The following RPS6KA3 variants were observed in gnomAD, a reference collection of about 807,000 sequenced individuals.
RPS6KA3 encodes ribosomal protein S6 kinase alpha-3.
In RPS6KA3, 4 loss-of-function variants were observed where a neutral mutation model predicts 67.2. The ratio of observed to expected loss-of-function variants is 0.06; its 90% CI spans 0.03 to 0.14. The LOEUF (loss-of-function observed/expected upper bound fraction) is 0.14. Ranked by LOEUF, RPS6KA3 falls within the 10% of genes least tolerant of loss-of-function variation. The probability of loss-of-function intolerance (pLI) is 1.00; values close to 1 mark genes in which losing one functional copy is unlikely to be tolerated. For synonymous variants in RPS6KA3, 182 were observed against 183.7 expected (o/e 0.99, Z 0.07); for missense variants, 204 against 559.0 (o/e 0.36, Z 6.40).
chrX:20,232,663 AC>A (rs1363812597), intron 2 of RPS6KA3, among the ~76,000 whole-genome samples: 2 of 112,535 alleles, frequency 1.8e-5, no homozygotes, highest in African/African-American at 6.5e-5. Context: ...GTTTAAAAAA[AC>A]ATATTACAAG....
chrX:20,157,291 A>C (rs961080147), intron 20 of RPS6KA3, among the ~76,000 whole-genome samples: 2 of 111,541 alleles, frequency 1.8e-5, no homozygotes, highest in Non-Finnish European at 3.8e-5. Context: ...TTAGCAATGA[A>C]CAACACAGAA....
chrX:20,241,790 A>G lies in RPS6KA3; in HGVS notation c.70-6976T>C, dbSNP rs889558487. On this transcript the variant is annotated intron_variant, in intron 1 of 21. Coordinates refer to ENST00000379565, the MANE Select transcript of RPS6KA3 (RefSeq NM_004586.3). ...ACAATAAAATGCCAGAAGACATTGA[A>G]GTAATCACTTACAGAGAATTGAAAA... is the stretch of plus-strand genomic sequence containing the variant. The G allele has an allele frequency of 3.6e-5, 4 of 112,089 alleles. No homozygotes were observed. The Admixed American group carries it at 3.8e-4, about 11-fold the overall frequency. 9.2% of individuals were successfully genotyped at this position (112,089 alleles called of 1,213,427 possible). A position where few individuals can be genotyped will look rare whatever the true frequency, so the allele number is the denominator to read the frequency against.
intron 20 of RPS6KA3, among the ~76,000 whole-genome samples, chrX:20,158,365 CAAAAAA>C (rs1209085517): frequency 3.5e-5 from 1 of 28,733 alleles, no homozygotes; most frequent in South Asian, 2.6e-3. Context: ...GACTCTATCT[CAAAAAA>C]AAAAAAAAAA....
At chrX:20,215,082 G>A (rs1056001951) in intron 2 of RPS6KA3, among the ~76,000 whole-genome samples, 12 of 110,843 alleles carry the variant, frequency 1.1e-4, no homozygotes, top group Admixed American at 8.6e-4. Context: ...CTGGGATTAC[G>A]GGAATGAGCC....
At chrX:20,243,848 G>C (rs761818425) in intron 1 of RPS6KA3, among the ~76,000 whole-genome samples, 1 of 111,192 alleles carries the variant, frequency 9.0e-6, no homozygotes, top group Admixed American at 9.6e-5. Flanking sequence ...TCCATAGTAA[G>C]AGTGCAGAGG....
In RPS6KA3 at chrX:20,165,861, A is replaced by AG. The variant is rs751394389; in HGVS notation, c.1603-802_1603-801insC. 1.6e-3 allele frequency among the ~76,000 whole-genome samples: 180 copies of AG among 111,068 alleles called. 1 individual carries two copies. The highest frequency in any genetic ancestry group is 9.2e-3 in the Middle Eastern group (2 of 218). On this transcript the variant is annotated intron_variant, in intron 17 of 21. Coordinates refer to ENST00000379565, the MANE Select transcript of RPS6KA3 (RefSeq NM_004586.3). ...TACCTGAGTACAGTAGTCCCCCCTT[A>AG]TCCGTGGCGTATATGTTTCAAGACC...
chrX:20,193,172 G>C (rs979254668), intron 7 of RPS6KA3, among the ~76,000 whole-genome samples: 3 of 111,213 alleles, frequency 2.7e-5, no homozygotes, highest in African/African-American at 9.8e-5. Flanking sequence ...CAGCTACTCG[G>C]GAGGCTAAGG....
At position 20,161,697 on chromosome X, in the gene RPS6KA3, C is replaced by T. The variant is rs750660360; in HGVS notation, c.1906G>A (p.Gly636Arg). ...TAACCACCACTGAGTGAGAATTTTC[C>T]GCTACCTATTCGTGCCAATATTTCC... Reference protein sequence around the residue: ...PEEILARIGSGKFSLSGGYWN... With the variant: ...PEEILARIGSRKFSLSGGYWN... Residue 636 changes from glycine to arginine, a missense_variant, in exon 20 of 22, where the codon GGA becomes AGA. Physicochemically the swap from Gly to Arg is moderately radical, Grantham distance 125. Around this residue, in one of 4 missense-constraint regions of RPS6KA3, gnomAD observed 73 missense variants for 241.1 expected, o/e 0.30. Coordinates refer to ENST00000379565, the MANE Select transcript of RPS6KA3 (RefSeq NM_004586.3). 4 of 1,175,226 alleles carry T rather than the reference C, an allele frequency of 3.4e-6. No individual in the cohort carries two copies. The highest frequency in any genetic ancestry group is 4.6e-6 in the Non-Finnish European group (4 of 871,752).
chrX:20,167,560 T>C (rs761030657), intron 17 of RPS6KA3, 29 bp downstream of exon 17: 1 of 1,177,388 alleles, frequency 8.5e-7, no homozygotes, highest in Non-Finnish European at 1.2e-6. Flanking sequence ...AGTGTGTGTA[T>C]GTACATATAG....
At chrX:20,212,753 A>C (rs1314775157) in intron 2 of RPS6KA3, among the ~76,000 whole-genome samples, 1 of 110,884 alleles carries the variant, frequency 9.0e-6, no homozygotes, top group African/African-American at 3.3e-5. Flanking sequence ...GAAAAAAAAA[A>C]GTAGTGTCTC....
At chrX:20,265,515 A>G (rs1164697268) in intron 1 of RPS6KA3, 1 of 112,054 alleles carries the variant, frequency 8.9e-6, no homozygotes, top group East Asian at 2.8e-4. Context: ...ACTATTACAC[A>G]CACGCAGCCT....
At chrX:20,198,910 C>G (rs1021440769) in intron 4 of RPS6KA3, among the ~76,000 whole-genome samples, 2 of 111,022 alleles carry the variant, frequency 1.8e-5, no homozygotes, top group Non-Finnish European at 3.8e-5. Flanking sequence ...CTTGCCCCGT[C>G]GCCCAGGCTG....
chrX:20,214,902 G>A (rs1454963760), intron 2 of RPS6KA3, among the ~76,000 whole-genome samples: 1 of 100,876 alleles, frequency 9.9e-6, no homozygotes, highest in African/African-American at 3.7e-5. Context: ...GCAATGGTGC[G>A]ATCTCAGCTC....
At chrX:20,234,374 C>T (rs7057375) in intron 2 of RPS6KA3, among the ~76,000 whole-genome samples, 33,078 of 110,215 alleles carry the variant, frequency 0.3, 5,799 homozygotes, top group African/African-American at 0.66. Context: ...ACTCAGGAGG[C>T]TGAGGCAGGA....
intron 1 of RPS6KA3, among the ~76,000 whole-genome samples, chrX:20,257,265 T>A (rs755954244): frequency 1.8e-5 from 2 of 112,282 alleles, no homozygotes; most frequent in Non-Finnish European, 3.8e-5. Flanking sequence ...CCTTGGTTTG[T>A]AGGTAGGAAC....
rs756254244 is a variant in RPS6KA3, at chrX:20,235,065, G to A, written c.70-251C>T. Reference sequence around the variant, plus strand: ...TAATAAATGATTATTACCTTTCCACGTGAACCCTTGAGTTTAATAGTTAAA... The same window carrying A: ...TAATAAATGATTATTACCTTTCCACATGAACCCTTGAGTTTAATAGTTAAA... On this transcript the variant is annotated intron_variant, in intron 1 of 21. Transcript: ENST00000379565. 5.4e-5 allele frequency among the ~76,000 whole-genome samples: 6 copies of A among 111,328 alleles called. No homozygotes were observed. In the East Asian group the frequency reaches 8.4e-4, roughly 16 times the overall value.
In RPS6KA3 at chrX:20,156,381, T is replaced by C. The variant is rs1182845281; in HGVS notation, c.1960-132A>G. 23 of 691,597 alleles carry C rather than the reference T, an allele frequency of 3.3e-5. No homozygotes were observed. In the South Asian group the frequency reaches 3.6e-4, roughly 11 times the overall value. 57.0% of individuals were successfully genotyped at this position (691,597 alleles called of 1,213,427 possible). On this transcript the variant is annotated intron_variant, in intron 20 of 21. Transcript: ENST00000379565. ...TCTGGTAGCAGCCCTTTGGTCAACA[T>C]GGTAATTTGGGGGAAAAAAAATCAG...
chrX:20,211,895 A>AT (rs764157625), intron 2 of RPS6KA3, among the ~76,000 whole-genome samples: 1 of 112,049 alleles, frequency 8.9e-6, no homozygotes, highest in Non-Finnish European at 1.9e-5. Flanking sequence ...AATGTTATAT[A>AT]TTTTTTACAT....
intron 1 of RPS6KA3, among the ~76,000 whole-genome samples, chrX:20,238,012 T>C (rs960414897): frequency 1.8e-5 from 2 of 111,547 alleles, no homozygotes; most frequent in African/African-American, 6.5e-5. Flanking sequence ...AAATGATGAC[T>C]AACTTGCCTG....
Sources: gnomAD v4.1 joint callset for allele counts (sites outside exome capture counted in the v4.1 genomes callset) on GRCh38, gnomAD v4.1.1 for gene constraint, gnomAD v4.1.1 regional missense constraint, MANE v1.5 for transcripts, NCBI Gene and HGNC (gene_info 2026-07-23, HGNC 2026-07-21) for gene names.